The following ERCC4 variants were observed in gnomAD, a reference collection of about 807,000 sequenced individuals.
ERCC4 encodes DNA repair endonuclease XPF.
Under a neutral mutation model 76.9 loss-of-function variants are expected in ERCC4, and 65 were observed. The ratio of observed to expected loss-of-function variants is 0.84; its 90% CI spans 0.69 to 1.04. The LOEUF is 1.04. Among genes scored for constraint, ERCC4 ranks in the 50% least tolerant of loss-of-function variants. ERCC4 has a pLI of 0.00. For missense variants in ERCC4, 1,214 were observed against 1,128.2 expected (o/e 1.08, Z -1.09); for synonymous variants, 463 against 410.1 (o/e 1.13, Z -1.56).
rs1409250226 is a variant in ERCC4 at position 13,949,503 on chromosome 16, G to T, written c.*1156G>T. The T allele has an allele frequency of 8.6e-6, 2 of 232,976 alleles. No homozygotes were observed. The highest frequency in any genetic ancestry group is 5.6e-5 in the Admixed American group (1 of 17,762). 14.4% of individuals were successfully genotyped at this position (232,976 alleles called of 1,614,324 possible). ...CAGGGTGGCTACTTCTCTCTGTGAG[G>T]ACTCAAATACAAGCCAATGAGTGGC... On this transcript the variant is annotated 3_prime_UTR_variant, in exon 11 of 11. Transcript: ENST00000311895.
chr16:13,923,158 C>G (rs1263447782), intron 2 of ERCC4, among the ~76,000 whole-genome samples: 3 of 152,156 alleles, frequency 2.0e-5, no homozygotes, highest in African/African-American at 4.8e-5. Context: ...GTCCCCAAAG[C>G]TAATGTAGGG....
intron 9 of ERCC4, among the ~76,000 whole-genome samples, chr16:13,939,283 T>C (rs549757439): frequency 2.1e-4 from 32 of 152,254 alleles, no homozygotes; most frequent in Non-Finnish European, 3.7e-4. Context: ...CCAGGCCCTG[T>C]GCTAATATTA....
At chr16:13,920,792 G>C (rs1423400296) in intron 1 of ERCC4, among the ~76,000 whole-genome samples, 1 of 152,008 alleles carries the variant, frequency 6.6e-6, no homozygotes, top group Non-Finnish European at 1.5e-5. Context: ...AAATGGGAGG[G>C]GTCCCCAGGG....
In ERCC4 at chr16:13,947,978, C is replaced by T. The variant is rs2141620640; in HGVS notation, c.2382C>T (p.His794=). 3 of 1,614,202 alleles carry T rather than the reference C, an allele frequency of 1.9e-6. No homozygotes were observed. The highest frequency in any genetic ancestry group is 2.5e-6 in the Non-Finnish European group (3 of 1,180,032). ...ISSKLTLLTL[H]FPRLRILWCP... is the part of the protein sequence containing the mutation. ...CCAAACTCACTCTTCTTACACTTCA[C>T]TTCCCCAGACTACGGATTCTCTGGT... The change falls in exon 11 of 11, where the codon CAC becomes CAT. Residue 794 remains histidine, a synonymous_variant. Coordinates refer to ENST00000311895, the MANE Select transcript of ERCC4 (RefSeq NM_005236.3).
At chr16:13,943,772 T>G (rs2032460875) in intron 9 of ERCC4, among the ~76,000 whole-genome samples, 1 of 146,096 alleles carries the variant, frequency 6.8e-6, no homozygotes, top group Admixed American at 6.8e-5. Context: ...TCCCTCGACA[T>G]CAGTTGTGAA....
chr16:13,926,883 C>A, intron 3 of ERCC4, 127 bp downstream of exon 3: 1 of 779,566 alleles, frequency 1.3e-6, no homozygotes, highest in Non-Finnish European at 2.2e-6. Flanking sequence ...TTTGATAGAA[C>A]CTAGTCAGTT....
rs1002156756 is a variant in ERCC4 at position 13,935,564 on chromosome 16, C to T, written c.1632C>T (p.Phe544=). 27 of 1,614,036 alleles carry T rather than the reference C, an allele frequency of 1.7e-5. No individual in the cohort carries two copies. Among genetic ancestry groups the T allele is most frequent in the Middle Eastern group, 1.6e-4 (1 of 6,084 alleles). Residue 544 remains phenylalanine (F), a synonymous_variant, in exon 8 of 11, where the codon TTC becomes TTT. Coordinates refer to ENST00000311895, the MANE Select transcript of ERCC4 (RefSeq NM_005236.3). ...TAAATTTGTCATCGGATGCTGCTTT[C>T]GGAATCCTGAAAGAACCCCTCACTA... ...FDVNLSSDAA[F]GILKEPLTII...
chr16:13,948,032 G>GT lies in ERCC4; in HGVS notation c.2439dup (p.Glu814Ter). 6.2e-7 allele frequency: 1 copy of GT among 1,614,132 alleles called. No individual in the cohort carries two copies. The highest frequency in any genetic ancestry group is 1.1e-5 in the South Asian group (1 of 91,084). On this transcript the variant is annotated frameshift_variant, in exon 11 of 11. Coordinates refer to ENST00000311895, the MANE Select transcript of ERCC4 (RefSeq NM_005236.3). LOFTEE classifies it low-confidence loss of function (END_TRUNC). ...CCTCTCCTCATGCAACGGCGGAGTT[G>GT]TTTGAGGAGCTGAAACAAAGCAAGC...
intron 6 of ERCC4, 132 bp downstream of exon 6, chr16:13,932,417 G>C: frequency 1.3e-6 from 1 of 787,788 alleles, no homozygotes; most frequent in Non-Finnish European, 2.1e-6. Context: ...ATGTATGTTT[G>C]TTATATGTAA....
intron 2 of ERCC4, among the ~76,000 whole-genome samples, chr16:13,925,623 T>G (rs2032057584): frequency 6.6e-6 from 1 of 152,208 alleles, no homozygotes; most frequent in African/African-American, 2.4e-5. Flanking sequence ...ACTGTTAGTA[T>G]TATTGTCCAT....
chr16:13,943,543 C>T (rs1449465366), intron 9 of ERCC4, among the ~76,000 whole-genome samples: 4 of 152,182 alleles, frequency 2.6e-5, no homozygotes, highest in Admixed American at 2.6e-4. Context: ...CCACCAGGTC[C>T]CTTCCAGGAC....
At chr16:13,930,384 T>A (rs1053499369) in intron 4 of ERCC4, among the ~76,000 whole-genome samples, 1 of 152,108 alleles carries the variant, frequency 6.6e-6, no homozygotes, top group African/African-American at 2.4e-5. Context: ...TATCTGATGT[T>A]TATAAGGTCT....
chr16:13,920,387 G>A lies in ERCC4; in HGVS notation c.207+15G>A. 1 of 1,550,634 alleles carries A rather than the reference G, an allele frequency of 6.4e-7. No individual in the cohort carries two copies. The highest frequency in any genetic ancestry group is 1.2e-5 in the South Asian group (1 of 85,982). On this transcript the variant is annotated intron_variant, in intron 1 of 10. Coordinates refer to ENST00000311895, the MANE Select transcript of ERCC4 (RefSeq NM_005236.3). The stretch of plus-strand genomic sequence containing the variant: ...CGGCCGAGGAGGTGCGGCCGCGCTG[G>A]CGCGGGAGTGAGGGGACTCCGAGAG...
At position 13,930,821 on chromosome 16, in the gene ERCC4, G is replaced by T. The variant is rs757636398; in HGVS notation, c.904G>T (p.Asp302Tyr). The T allele has an allele frequency of 1.2e-6, 2 of 1,613,314 alleles. No homozygotes were observed. Among genetic ancestry groups the T allele is most frequent in the Non-Finnish European group, 1.7e-6 (2 of 1,179,302 alleles). ...RTLLQYLSQY[D>Y]CVTFLNLLES... ...TTTGCTGCAGTATCTCTCTCAGTATGATTGTGTCACATTTCTTAATCTTCT... is the reference window on the plus strand; with the variant it reads ...TTTGCTGCAGTATCTCTCTCAGTATTATTGTGTCACATTTCTTAATCTTCT... The change falls in exon 5 of 11, where the codon GAT (aspartate) becomes TAT (tyrosine). Residue 302 changes from aspartate (D) to tyrosine (Y), a missense_variant. Physicochemically the swap from Asp to Tyr is radical, Grantham distance 160. Transcript: ENST00000311895.
At chr16:13,932,340 G>A in intron 6 of ERCC4, 55 bp downstream of exon 6, 1 of 1,518,106 alleles carries the variant, frequency 6.6e-7, no homozygotes, top group Non-Finnish European at 9.1e-7. Flanking sequence ...ATTTGGTATG[G>A]AAATTTAAAG....
At position 13,950,585 on chromosome 16, in the gene ERCC4, G is replaced by A. The variant is rs1391075117; in HGVS notation, c.*2238G>A. ...AACATTATCGTTAACATTCAATTTT[G>A]TATTTATTGTTTTATTGAATATAGT... is the stretch of plus-strand genomic sequence containing the variant. On this transcript the variant is annotated 3_prime_UTR_variant, in exon 11 of 11. Transcript: ENST00000311895. 1 of 194,110 alleles carries A rather than the reference G, an allele frequency of 5.2e-6. No homozygotes were observed. The highest frequency in any genetic ancestry group is 1.1e-5 in the Non-Finnish European group (1 of 93,400). The allele number at this position is 194,110 out of a possible 1,614,324, so 12.0% of individuals were successfully genotyped here.
At chr16:13,936,682 C>G (rs555754864) in intron 8 of ERCC4, among the ~76,000 whole-genome samples, 1 of 152,334 alleles carries the variant, frequency 6.6e-6, no homozygotes, top group South Asian at 2.1e-4. Flanking sequence ...TGGCCTTGGC[C>G]ACATGACACA....
intron 2 of ERCC4, 154 bp downstream of exon 2, chr16:13,922,365 A>G: frequency 1.3e-6 from 1 of 762,574 alleles, no homozygotes; most frequent in East Asian, 2.4e-5. Flanking sequence ...GTGGGGCAGC[A>G]CCCACAGGTC....
At chr16:13,934,091 A>G (rs1434396173) in intron 6 of ERCC4, 101 bp from the exon 7 acceptor site, 7 of 715,856 alleles carry the variant, frequency 9.8e-6, no homozygotes, top group African/African-American at 3.6e-5. Context: ...ATAAATGGGC[A>G]TATGTACTGA....
Sources: gnomAD v4.1 joint callset for allele counts (sites outside exome capture counted in the v4.1 genomes callset) on GRCh38, gnomAD v4.1.1 for gene constraint, MANE v1.5 for transcripts, NCBI Gene and HGNC (gene_info 2026-07-23, HGNC 2026-07-21) for gene names.